Variants in FAM98A observed in about 807,000 individuals in gnomAD.
FAM98A encodes protein FAM98A.
Under a neutral mutation model 62.9 loss-of-function variants are expected in FAM98A, and 25 were observed. The ratio of observed to expected loss-of-function variants is 0.40; its 90% CI spans 0.29 to 0.56. The LOEUF is 0.56. Among genes scored for constraint, FAM98A ranks in the 20% least tolerant of loss-of-function variants. FAM98A has a pLI of 0.51. For missense variants in FAM98A, 653 were observed against 640.7 expected (o/e 1.02, Z -0.21); for synonymous variants, 252 against 228.6 (o/e 1.10, Z -0.92).
chr2:33,599,206 T>A lies in FAM98A; in HGVS notation c.16A>T (p.Met6Leu), dbSNP rs780227939. 6.2e-7 allele frequency: 1 copy of A among 1,613,984 alleles called. No individual in the cohort carries two copies. Among genetic ancestry groups the A allele is most frequent in the Non-Finnish European group, 8.5e-7 (1 of 1,179,836 alleles). Residue 6 changes from methionine (M) to leucine (L), a missense_variant, in exon 1 of 8, where the codon ATG (methionine) becomes TTG (leucine). Coordinates refer to ENST00000238823, the MANE Select transcript of FAM98A (RefSeq NM_015475.5). ...AACGACTCCAAGATGTCAGTCTCCA[T>A]GAGGTCACACTCCATGCTACTGTGG... MECDL[M>L]ETDILESLED...
At chr2:33,586,094 T>A (rs1677541242) in intron 6 of FAM98A, among the ~76,000 whole-genome samples, 1 of 152,234 alleles carries the variant, frequency 6.6e-6, no homozygotes, top group Non-Finnish European at 1.5e-5. Flanking sequence ...TTGGTTTCTA[T>A]GAGGTAATAA....
At chr2:33,590,875 G>A (rs1677656902) in intron 3 of FAM98A, among the ~76,000 whole-genome samples, 1 of 152,092 alleles carries the variant, frequency 6.6e-6, no homozygotes, top group Non-Finnish European at 1.5e-5. Flanking sequence ...TAGCTATTCA[G>A]GGTCATTAGT....
chr2:33,589,724 C>T (rs535450434), intron 3 of FAM98A: 2 of 152,136 alleles, frequency 1.3e-5, no homozygotes, highest in African/African-American at 2.4e-5. Flanking sequence ...ACAGTAAAAC[C>T]CCACTGTTAA....
At chr2:33,596,396 A>G (rs1215019074) in intron 1 of FAM98A, among the ~76,000 whole-genome samples, 4 of 152,212 alleles carry the variant, frequency 2.6e-5, no homozygotes, top group South Asian at 4.1e-4. Context: ...AGTGATTCCA[A>G]TATAATTTTA....
At chr2:33,593,879 G>A (rs1459304835) in intron 2 of FAM98A, among the ~76,000 whole-genome samples, 2 of 152,136 alleles carry the variant, frequency 1.3e-5, no homozygotes, top group African/African-American at 4.8e-5. Context: ...AGAAAAAGGG[G>A]CTCCAGGTTA....
intron 2 of FAM98A, among the ~76,000 whole-genome samples, chr2:33,594,563 A>T (rs1173064561): frequency 8.2e-5 from 1 of 12,186 alleles, no homozygotes; most frequent in Non-Finnish European, 1.5e-4. Context: ...AAAAAAAATT[A>T]TATATATATA....
chr2:33,593,369 A>C (rs1017807229), intron 2 of FAM98A, among the ~76,000 whole-genome samples: 4 of 152,220 alleles, frequency 2.6e-5, no homozygotes, highest in Non-Finnish European at 5.9e-5. Flanking sequence ...GCGCCACTGC[A>C]CTTCAGCCTG....
chr2:33,585,302 T>G lies in FAM98A; in HGVS notation c.1031A>C (p.Glu344Ala). The change falls in exon 8 of 8, where the codon GAA (glutamate) becomes GCA (alanine). Residue 344 changes from glutamate (E) to alanine (A), a missense_variant. Transcript: ENST00000238823. ...TCCTCGTCCTCCGTATGAGGAATGTTCATAGCCACCTCTCCCTCCTCCTCG... is the reference window on the plus strand; with the variant it reads ...TCCTCGTCCTCCGTATGAGGAATGTGCATAGCCACCTCTCCCTCCTCCTCG... ...GGRGGGRGGY[E>A]HSSYGGRGGH... 1 of 1,614,044 alleles carries G rather than the reference T, an allele frequency of 6.2e-7. No individual in the cohort carries two copies. The highest frequency in any genetic ancestry group is 8.5e-7 in the Non-Finnish European group (1 of 1,180,008).
rs370765954 is a variant in FAM98A at position 33,586,595 on chromosome 2, A to G, written c.687T>C (p.Thr229=). 3.7e-6 allele frequency: 6 copies of G among 1,612,718 alleles called. No homozygotes were observed. Among genetic ancestry groups the G allele is most frequent in the Middle Eastern group, 1.7e-4 (1 of 6,056 alleles). The change falls in exon 6 of 8, where the codon ACT becomes ACC. Residue 229 remains threonine, a synonymous_variant. Coordinates refer to ENST00000238823, the MANE Select transcript of FAM98A (RefSeq NM_015475.5). ...RKLLIKRLDV[T]VQSFGWSDRA... The stretch of plus-strand genomic sequence containing the variant: ...TGTCAGACCAGCCAAAGGATTGTAC[A>G]GTGACATCCAAACGTTTTATTAGCA...
chr2:33,591,209 A>C (rs1458741707), intron 3 of FAM98A, among the ~76,000 whole-genome samples: 2 of 140,312 alleles, frequency 1.4e-5, no homozygotes, highest in Non-Finnish European at 3.2e-5. Flanking sequence ...TTTTTTTTTT[A>C]ACAGAACCTT....
In FAM98A at chr2:33,585,418, T is replaced by C. The variant is rs1426924788; in HGVS notation, c.915A>G (p.Arg305=). 1 of 1,614,188 alleles carries C rather than the reference T, an allele frequency of 6.2e-7. No homozygotes were observed. Among genetic ancestry groups the C allele is most frequent in the Non-Finnish European group, 8.5e-7 (1 of 1,180,024 alleles). Residue 305 remains arginine (R), a synonymous_variant, in exon 8 of 8, where the codon AGA becomes AGG. Coordinates refer to ENST00000238823, the MANE Select transcript of FAM98A (RefSeq NM_015475.5). ...GTTCGATTTCATTGGGTCTACCACC[T>C]CTGTCAGGCACCCTGCCCATCAACA... ...NKVLMGRVPD[R]GGRPNEIEPP...
At chr2:33,587,371 C>G in intron 4 of FAM98A, 51 bp from the exon 5 acceptor site, 1 of 1,280,956 alleles carries the variant, frequency 7.8e-7, no homozygotes, top group Non-Finnish European at 1.1e-6. Flanking sequence ...GTAAAACATC[C>G]TCATCTTCCC....
chr2:33,594,564 T>A (rs1163441136), intron 2 of FAM98A, among the ~76,000 whole-genome samples: 4 of 11,932 alleles, frequency 3.4e-4, no homozygotes, highest in East Asian at 1.5e-3. Flanking sequence ...AAAAAAATTA[T>A]ATATATATAT....
rs150646116 is a variant in FAM98A at position 33,592,150 on chromosome 2, C to G, written c.267G>C (p.Pro89=). 3 of 1,613,082 alleles carry G rather than the reference C, an allele frequency of 1.9e-6. No individual in the cohort carries two copies. The highest frequency in any genetic ancestry group is 2.5e-6 in the Non-Finnish European group (3 of 1,179,174). The change falls in exon 3 of 8, where the codon CCG becomes CCC. Residue 89 remains proline (P), a synonymous_variant. Coordinates refer to ENST00000238823, the MANE Select transcript of FAM98A (RefSeq NM_015475.5). The part of the protein sequence containing the change: ...VSGLLGEMNC[P]YLSLTSGDVT... ...CATCCCCAGATGTCAGTGAAAGATA[C>G]GGGCAGTTCATCTCCCCTAGTAGCC...
intron 5 of FAM98A, 44 bp from the exon 6 acceptor site, chr2:33,586,722 G>C: frequency 7.6e-7 from 1 of 1,309,944 alleles, no homozygotes; most frequent in Admixed American, 1.7e-5. Flanking sequence ...AAATCTGCTT[G>C]ATTCTCTGTC....
Position 33,586,605 on chromosome 2 carries a change from A to C in FAM98A, c.677T>G (p.Leu226Trp). The C allele has an allele frequency of 1.2e-6, 2 of 1,613,736 alleles. No individual in the cohort carries two copies. Among genetic ancestry groups the C allele is most frequent in the Non-Finnish European group, 1.7e-6 (2 of 1,179,658 alleles). ...GCCAAAGGATTGTACAGTGACATCC[A>C]AACGTTTTATTAGCAGCTTTCTCCG... is the stretch of plus-strand genomic sequence containing the variant. ...EVRRKLLIKR[L>W]DVTVQSFGWS... Residue 226 changes from leucine (L) to tryptophan (W), a missense_variant, in exon 6 of 8, where the codon TTG (leucine) becomes TGG (tryptophan). Transcript: ENST00000238823.
In FAM98A at chr2:33,585,456, G is replaced by A. The variant is rs370217320; in HGVS notation, c.889-12C>T. On this transcript the variant is annotated splice_polypyrimidine_tract_variant and intron_variant, in intron 7 of 7. Transcript: ENST00000238823. ...CTGCCCATCAACACCTACAGAATAG[G>A]AAAGATATTTTAAACTTTTATTTTA... 4 of 1,613,532 alleles carry A rather than the reference G, an allele frequency of 2.5e-6. No individual in the cohort carries two copies. The highest frequency in any genetic ancestry group is 3.4e-6 in the Non-Finnish European group (4 of 1,179,816).
At chr2:33,594,411 C>G (rs549469172) in intron 2 of FAM98A, among the ~76,000 whole-genome samples, 1 of 151,064 alleles carries the variant, frequency 6.6e-6, no homozygotes, top group Non-Finnish European at 1.5e-5. Context: ...GGGCCTGTTG[C>G]GGGTTAGAGG....
intron 1 of FAM98A, among the ~76,000 whole-genome samples, chr2:33,596,302 A>T (rs1364096668): frequency 5.3e-5 from 8 of 152,254 alleles, no homozygotes; most frequent in African/African-American, 1.9e-4. Context: ...CTAGTAAGAC[A>T]TTCTAGTACC....
Sources: gnomAD v4.1 joint callset for allele counts (sites outside exome capture counted in the v4.1 genomes callset) on GRCh38, gnomAD v4.1.1 for gene constraint, MANE v1.5 for transcripts, NCBI Gene and HGNC (gene_info 2026-07-23, HGNC 2026-07-21) for gene names.